The following ANKFN1 variants were observed in gnomAD, a reference collection of about 807,000 sequenced individuals.
ANKFN1 encodes ankyrin repeat and fibronectin type III domain containing 1, also known as ankyrin repeat and fibronectin type-III domain-containing protein 1.
ANKFN1 carries 74 observed loss-of-function variants against 108.7 expected under a neutral mutation model. The ratio of observed to expected loss-of-function variants is 0.68; its 90% CI spans 0.56 to 0.83. The LOEUF (loss-of-function observed/expected upper bound fraction) is 0.83. Ranked by LOEUF, ANKFN1 falls within the 40% of genes least tolerant of loss-of-function variation. The pLI is 0.00. For missense variants in ANKFN1, 1,505 were observed against 1,382.3 expected, an observed-to-expected ratio of 1.09 and a Z score of -1.41; for synonymous variants, 547 against 516.2, an observed-to-expected ratio of 1.06 and a Z score of -0.81.
chr17:56,486,785 A>C lies in ANKFN1; in HGVS notation c.2260+4261A>C, dbSNP rs182758173. ...ATAACCACATGGGAATTCTAATGAA[A>C]CTTAAAAAGGTGTGAATTATGGGAA... On this transcript the variant is annotated intron_variant, in intron 18 of 20. Transcript: ENST00000682825. Among the ~76,000 whole-genome samples, 5 of 152,344 alleles carry C rather than the reference A, an allele frequency of 3.3e-5. No homozygotes were observed. The East Asian group carries it at 9.6e-4, about 29-fold the overall frequency.
At chr17:56,270,471 G>T (rs17820020) in intron 3 of ANKFN1, among the ~76,000 whole-genome samples, 20,982 of 152,118 alleles carry the variant, frequency 0.14, 1,540 homozygotes, top group East Asian at 0.19. Context: ...AGTTCTGCTC[G>T]CAAGGTAAGC....
At chr17:56,440,896 G>A (rs905557503) in intron 9 of ANKFN1, among the ~76,000 whole-genome samples, 3 of 150,480 alleles carry the variant, frequency 2.0e-5, no homozygotes, top group South Asian at 4.2e-4. Flanking sequence ...AAAAAAAAAC[G>A]AAGTCTGTCT....
chr17:56,506,043 TG>T (rs1237133304), intron 20 of ANKFN1, among the ~76,000 whole-genome samples: 50 of 44,272 alleles, frequency 1.1e-3, no homozygotes, highest in East Asian at 8.5e-3. Flanking sequence ...TGACATTATT[TG>T]TTTTTTTTGT....
chr17:56,482,865 T>A (rs921272672), intron 18 of ANKFN1, among the ~76,000 whole-genome samples: 1 of 152,106 alleles, frequency 6.6e-6, no homozygotes, highest in Non-Finnish European at 1.5e-5. Context: ...CCCTTCTCTC[T>A]CTCTCTCACT....
chr17:56,164,716 C>G (rs535119314), intron 1 of ANKFN1, among the ~76,000 whole-genome samples: 2 of 152,150 alleles, frequency 1.3e-5, no homozygotes, highest in Non-Finnish European at 2.9e-5. Context: ...GTAGATTATT[C>G]TTGGGGCCTC....
intron 15 of ANKFN1, chr17:56,472,310 C>T (rs922268892): frequency 6.6e-6 from 1 of 152,196 alleles, no homozygotes; most frequent in African/African-American, 2.4e-5. Flanking sequence ...ACAAAGACCA[C>T]TAGCCACCAT....
intron 8 of ANKFN1, among the ~76,000 whole-genome samples, chr17:56,408,822 C>T (rs940407091): frequency 4.6e-5 from 7 of 152,104 alleles, no homozygotes; most frequent in Non-Finnish European, 1.0e-4. Flanking sequence ...AGTTTCTCCT[C>T]TCACTTTAGA....
chr17:56,318,627 A>G (rs2045275921), intron 3 of ANKFN1, among the ~76,000 whole-genome samples: 1 of 152,176 alleles, frequency 6.6e-6, no homozygotes. Flanking sequence ...TACTACAAGG[A>G]GAGAGGAGAA....
At chr17:56,177,508 A>C (rs771817566) in intron 1 of ANKFN1, among the ~76,000 whole-genome samples, 2 of 152,204 alleles carry the variant, frequency 1.3e-5, no homozygotes, top group Admixed American at 1.3e-4. Context: ...GTTACAAGGG[A>C]ATATTTTTCA....
At chr17:56,445,151 C>T (rs1378159834) in intron 10 of ANKFN1, among the ~76,000 whole-genome samples, 1 of 152,268 alleles carries the variant, frequency 6.6e-6, no homozygotes, top group East Asian at 1.9e-4. Context: ...ATAAAAGGAA[C>T]CAATCTCATG....
intron 4 of ANKFN1, among the ~76,000 whole-genome samples, chr17:56,105,182 G>A (rs1031438065): frequency 5.3e-5 from 8 of 152,206 alleles, no homozygotes; most frequent in East Asian, 3.9e-4. Flanking sequence ...TTTACCAGGC[G>A]CACTGAATGT....
At chr17:56,321,994 T>C (rs1400668745) in intron 3 of ANKFN1, among the ~76,000 whole-genome samples, 1 of 152,150 alleles carries the variant, frequency 6.6e-6, no homozygotes. Flanking sequence ...TGGCCCTCAA[T>C]GTTGCTAGAG....
At chr17:56,106,437 G>T (rs1356855020) in intron 4 of ANKFN1, among the ~76,000 whole-genome samples, 1 of 152,208 alleles carries the variant, frequency 6.6e-6, no homozygotes, top group Non-Finnish European at 1.5e-5. Flanking sequence ...TCCCCTTACC[G>T]ATAAAACAGA....
chr17:56,278,706 G>A (rs1231363677), intron 3 of ANKFN1, among the ~76,000 whole-genome samples: 1 of 152,200 alleles, frequency 6.6e-6, no homozygotes, highest in Non-Finnish European at 1.5e-5. Flanking sequence ...ATAATTCTGA[G>A]AGTAGATGAC....
At chr17:56,109,905 T>G (rs1905863540) in intron 4 of ANKFN1, among the ~76,000 whole-genome samples, 1 of 152,216 alleles carries the variant, frequency 6.6e-6, no homozygotes, top group Non-Finnish European at 1.5e-5. Flanking sequence ...AATGCAGGGC[T>G]GGCCAGGCTG....
At chr17:56,356,714 C>A (rs1300316114) in intron 6 of ANKFN1, among the ~76,000 whole-genome samples, 1 of 152,092 alleles carries the variant, frequency 6.6e-6, no homozygotes, top group African/African-American at 2.4e-5. Flanking sequence ...TGCTGCCTTC[C>A]GGTTTATTCT....
intron 3 of ANKFN1, among the ~76,000 whole-genome samples, chr17:56,268,914 TAAATA>T (rs1231406789): frequency 1.3e-5 from 2 of 152,162 alleles, no homozygotes; most frequent in Admixed American, 6.5e-5. Flanking sequence ...AGATTTAAGA[TAAATA>T]AATAAAGACA....
chr17:56,459,683 G>C (rs2049837299), intron 14 of ANKFN1, among the ~76,000 whole-genome samples: 4 of 152,174 alleles, frequency 2.6e-5, no homozygotes, highest in Admixed American at 2.6e-4. Context: ...TTCAAGGGGG[G>C]CTCTTTATTA....
chr17:56,367,289 G>A (rs188264467), intron 6 of ANKFN1, among the ~76,000 whole-genome samples: 74 of 152,258 alleles, frequency 4.9e-4, no homozygotes, highest in African/African-American at 1.8e-3. Context: ...CCCAAATTTA[G>A]CAATTGCAGG....
Sources: allele counts gnomAD v4.1 joint callset (sites outside exome capture counted in the v4.1 genomes callset), GRCh38; gene constraint gnomAD v4.1.1; transcripts MANE v1.5; gene names NCBI Gene and HGNC (gene_info 2026-07-23, HGNC 2026-07-21).